The following DIAPH3 variants were observed in gnomAD, a reference collection of about 807,000 sequenced individuals.
DIAPH3 encodes the protein diaphanous related formin 3.
DIAPH3 carries 117 observed loss-of-function variants against 144.3 expected under a neutral mutation model. That is an observed-to-expected ratio of 0.81 (90% CI 0.70 to 0.95). DIAPH3 has a LOEUF of 0.95. Ranked by LOEUF, DIAPH3 falls within the 40% of genes least tolerant of loss-of-function variation. The pLI is 0.00. For missense variants in DIAPH3, 1,421 were observed against 1,412.7 expected, an observed-to-expected ratio of 1.01 and a Z score of -0.09; for synonymous variants, 519 against 488.9, an observed-to-expected ratio of 1.06 and a Z score of -0.81.
At chr13:60,108,817 T>C (rs1339482260) in intron 3 of DIAPH3, among the ~76,000 whole-genome samples, 6 of 152,054 alleles carry the variant, frequency 3.9e-5, no homozygotes, top group African/African-American at 1.2e-4. Flanking sequence ...GACTCCCAAG[T>C]ATGACTTCAG....
At position 60,163,757 on chromosome 13, in the gene DIAPH3, G is replaced by C. The variant is rs1166952664; in HGVS notation, c.10C>G (p.His4Asp). Residue 4 changes from histidine to aspartate, a missense_variant, in exon 1 of 28, where the codon CAC becomes GAC. Transcript: ENST00000400324. ...GCCGGGTGGTGCAGCCGCGGCTGGT[G>C]CCGTTCCATCTTTCCCCGCAGCTCC... MER[H>D]QPRLHHPAQG... 1.9e-6 allele frequency: 3 copies of C among 1,588,746 alleles called. No homozygotes were observed. In the South Asian group the frequency reaches 3.4e-5, roughly 18 times the overall value.
chr13:59,830,673 G>A (rs1273463446), intron 24 of DIAPH3, among the ~76,000 whole-genome samples: 5 of 151,592 alleles, frequency 3.3e-5, no homozygotes, highest in Non-Finnish European at 5.9e-5. Context: ...AATCCTTTTA[G>A]ATCTATTTAC....
chr13:59,878,006 T>C (rs1003422106), intron 21 of DIAPH3, among the ~76,000 whole-genome samples: 1 of 152,180 alleles, frequency 6.6e-6, no homozygotes, highest in East Asian at 1.9e-4. Context: ...CCATAACTTT[T>C]AGTATGTGGC....
At chr13:60,005,814 G>A (rs2052834691) in intron 9 of DIAPH3, among the ~76,000 whole-genome samples, 1 of 152,022 alleles carries the variant, frequency 6.6e-6, no homozygotes, top group Non-Finnish European at 1.5e-5. Context: ...TAAATTTTAT[G>A]ATACGTTAAT....
chr13:60,144,604 T>C (rs1951419339), intron 1 of DIAPH3: 1 of 152,164 alleles, frequency 6.6e-6, no homozygotes, highest in African/African-American at 2.4e-5. Context: ...AATTCTAGAA[T>C]TGGAATTCAG....
intron 14 of DIAPH3, among the ~76,000 whole-genome samples, chr13:59,977,734 C>A (rs925903986): frequency 6.6e-6 from 1 of 151,382 alleles, no homozygotes; most frequent in Non-Finnish European, 1.5e-5. Flanking sequence ...AGGAAATGAG[C>A]GAGAGGAGTG....
At chr13:59,988,983 T>C (rs960206800) in intron 12 of DIAPH3, among the ~76,000 whole-genome samples, 1 of 151,794 alleles carries the variant, frequency 6.6e-6, no homozygotes, top group Non-Finnish European at 1.5e-5. Context: ...AAAGTGGAAA[T>C]GAAAAAAGAT....
intron 17 of DIAPH3, among the ~76,000 whole-genome samples, chr13:59,950,838 ATAT>A (rs1175159669): frequency 6.6e-6 from 1 of 152,114 alleles, no homozygotes; most frequent in Non-Finnish European, 1.5e-5. Context: ...CTATATATAT[ATAT>A]TGTTATTTAC....
intron 27 of DIAPH3, among the ~76,000 whole-genome samples, chr13:59,724,340 A>G (rs545221789): frequency 1.1e-3 from 174 of 152,314 alleles, no homozygotes; most frequent in African/African-American, 4.1e-3. Context: ...CCAGCTTAGG[A>G]GCCTGAGACT....
chr13:59,743,376 T>C (rs970670139), intron 27 of DIAPH3, among the ~76,000 whole-genome samples: 26 of 152,090 alleles, frequency 1.7e-4, no homozygotes, highest in African/African-American at 5.8e-4. Flanking sequence ...GGTATGTATG[T>C]AGTAGTGGTC....
At chr13:60,038,422 T>C (rs1201995818) in intron 5 of DIAPH3, among the ~76,000 whole-genome samples, 1 of 152,130 alleles carries the variant, frequency 6.6e-6, no homozygotes, top group Non-Finnish European at 1.5e-5. Context: ...ATGTGACTTA[T>C]GGTATGAACT....
At chr13:59,967,015 A>C (rs1019777843) in intron 17 of DIAPH3, among the ~76,000 whole-genome samples, 14 of 152,122 alleles carry the variant, frequency 9.2e-5, no homozygotes, top group Non-Finnish European at 1.8e-4. Context: ...TGAACAATAC[A>C]TAAGTGACCA....
intron 25 of DIAPH3, among the ~76,000 whole-genome samples, chr13:59,789,170 G>C (rs1295162285): frequency 3.3e-5 from 5 of 152,138 alleles, no homozygotes; most frequent in Admixed American, 3.3e-4. Flanking sequence ...TACATATGTA[G>C]ATGTGAAGTG....
intron 4 of DIAPH3, among the ~76,000 whole-genome samples, chr13:60,049,899 C>T (rs1330200511): frequency 2.0e-5 from 3 of 152,168 alleles, no homozygotes; most frequent in Admixed American, 6.5e-5. Flanking sequence ...AAGAAAATAA[C>T]GCTTGTGCGG....
chr13:59,877,522 G>A (rs2044708866), intron 21 of DIAPH3, among the ~76,000 whole-genome samples: 1 of 152,144 alleles, frequency 6.6e-6, no homozygotes, highest in African/African-American at 2.4e-5. Context: ...GAGTGTGACT[G>A]AGGAACTATG....
chr13:59,825,479 T>G (rs549809964), intron 24 of DIAPH3, among the ~76,000 whole-genome samples: 2 of 152,284 alleles, frequency 1.3e-5, no homozygotes, highest in Non-Finnish European at 1.5e-5. Flanking sequence ...CTATTGTGAA[T>G]AGTGTACAAT....
intron 5 of DIAPH3, among the ~76,000 whole-genome samples, chr13:60,032,246 G>C (rs962793699): frequency 3.9e-5 from 6 of 152,118 alleles, no homozygotes; most frequent in African/African-American, 1.4e-4. Flanking sequence ...CCATTCTTGG[G>C]TCTGAAGAGC....
intron 27 of DIAPH3, among the ~76,000 whole-genome samples, chr13:59,667,613 T>C (rs1225471759): frequency 6.6e-6 from 1 of 152,256 alleles, no homozygotes; most frequent in Non-Finnish European, 1.5e-5. Flanking sequence ...ACCAGAATGT[T>C]ATATGTAATT....
intron 15 of DIAPH3, among the ~76,000 whole-genome samples, chr13:59,971,644 A>AG (rs2050386088): frequency 6.6e-6 from 1 of 152,234 alleles, no homozygotes; most frequent in African/African-American, 2.4e-5. Flanking sequence ...TTGCCACATC[A>AG]TGACTTTGCT....
Sources: gnomAD v4.1 joint callset for allele counts (sites outside exome capture counted in the v4.1 genomes callset) on GRCh38, gnomAD v4.1.1 for gene constraint, MANE v1.5 for transcripts, NCBI Gene and HGNC (gene_info 2026-07-23, HGNC 2026-07-21) for gene names.